LHX8: variants seen among roughly 807,000 people sequenced by gnomAD.
The protein encoded by LHX8 is LIM/homeobox protein Lhx8.
In LHX8, 12 loss-of-function variants were observed where a neutral mutation model predicts 40.3. The observed-to-expected ratio is 0.30, with a 90% confidence interval of 0.19 to 0.48. The LOEUF is 0.48. Ranked by LOEUF, LHX8 falls within the 20% of genes least tolerant of loss-of-function variation. The pLI is 0.99. For synonymous variants in LHX8, 179 were observed against 162.0 expected (o/e 1.10, Z -0.80); for missense variants, 344 against 433.7 (o/e 0.79, Z 1.84).
upstream of LHX8, chr1:75,130,758 A>G (rs372412567): frequency 6.2e-7 from 1 of 1,611,762 alleles, no homozygotes; most frequent in Admixed American, 1.7e-5. Context: ...GAACCTCTAG[A>G]AGCAATCTCC....
At chr1:75,155,477 G>A (rs766410775) in intron 7 of LHX8, among the ~76,000 whole-genome samples, 4 of 151,876 alleles carry the variant, frequency 2.6e-5, no homozygotes, top group Non-Finnish European at 5.9e-5. Flanking sequence ...CTTGTGATTC[G>A]CCCGCCTTGG....
upstream of LHX8, chr1:75,130,560 G>C (rs1292172275): frequency 2.6e-6 from 2 of 773,176 alleles, no homozygotes; most frequent in East Asian, 4.9e-5. Flanking sequence ...GTCCCAGACG[G>C]AGGCCCTCGC....
the LHX8 span, among the ~76,000 whole-genome samples, chr1:75,177,450 T>C: frequency 6.6e-6 from 1 of 152,228 alleles, no homozygotes; most frequent in East Asian, 1.9e-4. Context: ...TGAATGGGAG[T>C]TCACTCGTGA....
intron 1 of LHX8, among the ~76,000 whole-genome samples, chr1:75,136,146 G>T (rs539648973): frequency 2.6e-5 from 4 of 152,130 alleles, no homozygotes; most frequent in Non-Finnish European, 4.4e-5. Context: ...GGTTATTAAA[G>T]AAATCTAGTT....
At chr1:75,149,638 C>T (rs1344205871) in intron 7 of LHX8, among the ~76,000 whole-genome samples, 1 of 152,124 alleles carries the variant, frequency 6.6e-6, no homozygotes, top group Non-Finnish European at 1.5e-5. Context: ...GCAGCGACCT[C>T]CAGGTCTCAG....
In LHX8 at chr1:75,148,661, C is replaced by T. The variant is rs1210926908; in HGVS notation, c.759C>T (p.Gly253=). Reference sequence around the variant, plus strand: ...TCCAGAAATTGGCAGAAAGGACAGGCTTGAGCAGACGTGTGATACAGGTGA... The same window carrying T: ...TCCAGAAATTGGCAGAAAGGACAGGTTTGAGCAGACGTGTGATACAGGTGA... ...QTLQKLAERT[G]LSRRVIQVWF... is the part of the protein sequence containing the mutation. Residue 253 remains glycine (G), a synonymous_variant, in exon 7 of 9, where the codon GGC becomes GGT. Transcript: ENST00000356261. 1.2e-6 allele frequency: 2 copies of T among 1,612,212 alleles called. No homozygotes were observed. Among genetic ancestry groups the T allele is most frequent in the Non-Finnish European group, 1.7e-6 (2 of 1,179,038 alleles).
intron 8 of LHX8, 193 bp from the exon 9 acceptor site, chr1:75,160,626 G>T: frequency 1.7e-6 from 1 of 597,362 alleles, no homozygotes; most frequent in Admixed American, 2.7e-5. Context: ...AAGATTTGGG[G>T]GTAAAACTGT....
chr1:75,144,396 A>G (rs1648405946), intron 6 of LHX8, among the ~76,000 whole-genome samples: 2 of 152,168 alleles, frequency 1.3e-5, no homozygotes, highest in South Asian at 4.1e-4. Flanking sequence ...TAATGAACAC[A>G]ATTGTACAGT....
At chr1:75,152,698 A>G (rs895277054) in intron 7 of LHX8, among the ~76,000 whole-genome samples, 1 of 152,220 alleles carries the variant, frequency 6.6e-6, no homozygotes, top group Admixed American at 6.5e-5. Flanking sequence ...TTATACAAAC[A>G]TGAAATCTCT....
rs371895751 is a variant in LHX8 at position 75,155,348 on chromosome 1, C to T, written c.781-1545C>T. ...CTCCCAGGTTCACTCCATTCTCCTG[C>T]CTCAGCCTCCCAAGTAGCTGGGACT... On this transcript the variant is annotated intron_variant, in intron 7 of 8. Transcript: ENST00000356261. Among the ~76,000 whole-genome samples the T allele has an allele frequency of 4.7e-5, 7 of 149,674 alleles. No homozygotes were observed. In the South Asian group the frequency reaches 6.3e-4, roughly 14 times the overall value.
intron 1 of LHX8, 58 bp from the exon 2 acceptor site, chr1:75,136,545 A>G: frequency 7.9e-7 from 1 of 1,268,826 alleles, no homozygotes; most frequent in Non-Finnish European, 1.1e-6. Context: ...TGGGGCGGGC[A>G]GCACGCTCGG....
At chr1:75,190,456 G>T in the LHX8 span, among the ~76,000 whole-genome samples, 1 of 152,124 alleles carries the variant, frequency 6.6e-6, no homozygotes, top group Non-Finnish European at 1.5e-5. Flanking sequence ...TTGATTTGAA[G>T]TGATAGTCAA....
chr1:75,150,974 C>A (rs1046472413), intron 7 of LHX8, among the ~76,000 whole-genome samples: 24 of 151,918 alleles, frequency 1.6e-4, no homozygotes, highest in Admixed American at 1.2e-3. Flanking sequence ...CGTGCCTAGC[C>A]GGAAAATAAT....
At chr1:75,135,274 G>A (rs1648087943) in intron 1 of LHX8, among the ~76,000 whole-genome samples, 1 of 152,220 alleles carries the variant, frequency 6.6e-6, no homozygotes, top group Admixed American at 6.5e-5. Flanking sequence ...AGGACCTGTG[G>A]GTATTTGGTG....
chr1:75,147,004 T>G lies in LHX8; in HGVS notation c.685-1583T>G, dbSNP rs1408418007. 2.6e-5 allele frequency among the ~76,000 whole-genome samples: 4 copies of G among 152,194 alleles called. No individual in the cohort carries two copies. In the South Asian group the frequency reaches 6.2e-4, roughly 24 times the overall value. ...ATTAAAAAACAAAGACATAATTTGCTCGTTCTTTTTGGGGTTATTACATGT... is the reference window on the plus strand; with the variant it reads ...ATTAAAAAACAAAGACATAATTTGCGCGTTCTTTTTGGGGTTATTACATGT... On this transcript the variant is annotated intron_variant, in intron 6 of 8. Coordinates refer to ENST00000356261, the MANE Select transcript of LHX8 (RefSeq NM_001256114.2).
intron 6 of LHX8, among the ~76,000 whole-genome samples, chr1:75,145,443 T>C (rs1648435610): frequency 1.3e-5 from 2 of 152,178 alleles, no homozygotes; most frequent in Admixed American, 1.3e-4. Flanking sequence ...TTGAAACCAC[T>C]GTAGATAGAC....
the LHX8 span, among the ~76,000 whole-genome samples, chr1:75,182,223 C>T: frequency 3.7e-4 from 56 of 152,256 alleles, no homozygotes; most frequent in African/African-American, 1.3e-3. Flanking sequence ...ATGTGGCTTG[C>T]CAATTATCCC....
At position 75,156,929 on chromosome 1, in the gene LHX8, C is replaced by T. The variant is rs763786541; in HGVS notation, c.817C>T (p.His273Tyr). 1.2e-6 allele frequency: 2 copies of T among 1,614,176 alleles called. No homozygotes were observed. Reference protein sequence around the residue: ...FQNCRARHKKHVSPNHSSSTP... With the variant: ...FQNCRARHKKYVSPNHSSSTP... Reference sequence around the variant, plus strand: ...GAATTGTAGAGCACGCCACAAGAAACACGTCAGTCCTAATCACTCATCCTC... The same window carrying T: ...GAATTGTAGAGCACGCCACAAGAAATACGTCAGTCCTAATCACTCATCCTC... Residue 273 changes from histidine to tyrosine, a missense_variant, in exon 8 of 9, where the codon CAC becomes TAC. Around this residue, in one of 3 missense-constraint regions of LHX8, gnomAD observed 89 missense variants for 92.8 expected, o/e 0.96. Transcript: ENST00000356261.
At chr1:75,133,798 A>G (rs181342358), upstream of LHX8, among the ~76,000 whole-genome samples, 4 of 152,342 alleles carry the variant, frequency 2.6e-5, no homozygotes, top group South Asian at 4.1e-4. Context: ...AGCAATACTC[A>G]TTAGCAACAT....
Sources: allele counts gnomAD v4.1 joint callset (sites outside exome capture counted in the v4.1 genomes callset), GRCh38; gene constraint gnomAD v4.1.1; regional missense constraint gnomAD v4.1.1; transcripts MANE v1.5; gene names NCBI Gene and HGNC (gene_info 2026-07-23, HGNC 2026-07-21).